Variants in PHC2 observed in about 807,000 individuals in gnomAD.
PHC2 encodes the protein polyhomeotic-like protein 2.
A neutral mutation model predicts 87.4 loss-of-function variants in PHC2; 29 were observed. The observed-to-expected ratio is 0.33, with a 90% CI of 0.25 to 0.45. The LOEUF is 0.45. PHC2 is among the 20% of genes least tolerant of loss of function. The pLI, the probability that PHC2 is intolerant of heterozygous loss-of-function variation, is 1.00. For missense variants in PHC2, 857 were observed against 1,136.7 expected, an observed-to-expected ratio of 0.75 and a Z score of 3.54; for synonymous variants, 438 against 461.7, an observed-to-expected ratio of 0.95 and a Z score of 0.66.
chr1:33,331,127 C>T lies in PHC2; in HGVS notation c.2006+221G>A, dbSNP rs191134856. ...GAGGGCCAGCCGAGCCAAAGCACTG[C>T]GGCTTTTCCTTGGACTCCCGCTGCT... is the stretch of plus-strand genomic sequence containing the variant. On this transcript the variant is annotated intron_variant, in intron 12 of 14. Transcript: ENST00000683057. This position sits in a 1 kb window ranked among gnomAD's most constrained non-coding sequence, Gnocchi z 5.2. Among the ~76,000 whole-genome samples the T allele has an allele frequency of 2.6e-5, 4 of 152,330 alleles. No individual in the cohort carries two copies. Among genetic ancestry groups the T allele is most frequent in the South Asian group, 2.1e-4 (1 of 4,826 alleles).
intron 1 of PHC2, 49 bp from the exon 2 acceptor site, chr1:33,375,642 G>C (rs1408189617): frequency 1.6e-6 from 2 of 1,214,870 alleles, no homozygotes; most frequent in Admixed American, 2.8e-5. Context: ...GCTTACTAGA[G>C]AATGTTCACA....
chr1:33,349,845 T>TGCGCGC lies in PHC2; in HGVS notation c.1558+4550_1558+4555dup, dbSNP rs570581954. 15 of 964,536 alleles carry TGCGCGC rather than the reference T, an allele frequency of 1.6e-5. No homozygotes were observed. Among genetic ancestry groups the TGCGCGC allele is most frequent in the South Asian group, 4.7e-5 (1 of 21,408 alleles). 59.7% of individuals were successfully genotyped at this position (964,536 alleles called of 1,614,324 possible). A position where few individuals can be genotyped will look rare whatever the true frequency, so the allele number is the denominator to read the frequency against. On this transcript the variant is annotated intron_variant, in intron 9 of 14. Transcript: ENST00000683057. This position sits in a 1 kb window ranked among gnomAD's most constrained non-coding sequence, Gnocchi z 4.2. ...CGGGAGCGCGGGCGGCGGCCGGGGT[T>TGCGCGC]GCGCGCGCGCGCGCGGCGGGCGCTC...
chr1:33,414,181 A>T (rs57201966), intron 1 of PHC2, among the ~76,000 whole-genome samples: 9,478 of 139,602 alleles, frequency 0.068, 495 homozygotes, highest in East Asian at 0.19. Context: ...TCTCTGTCAC[A>T]CACACACACA....
intron 9 of PHC2, among the ~76,000 whole-genome samples, chr1:33,353,853 C>T (rs1390595565): frequency 6.6e-6 from 1 of 152,152 alleles, no homozygotes; most frequent in Non-Finnish European, 1.5e-5. Context: ...TCTCCTGAAC[C>T]CCAGGCAGGG....
At chr1:33,340,503 C>T (rs1646723276) in intron 9 of PHC2, among the ~76,000 whole-genome samples, 1 of 152,166 alleles carries the variant, frequency 6.6e-6, no homozygotes, top group African/African-American at 2.4e-5. Context: ...CATACCTGGT[C>T]CAAGCAACAG....
chr1:33,410,792 T>TA (rs1200032107), intron 1 of PHC2, among the ~76,000 whole-genome samples: 1 of 152,224 alleles, frequency 6.6e-6, no homozygotes, highest in African/African-American at 2.4e-5. Flanking sequence ...GCATTGATTT[T>TA]AAAATACCTT....
intron 14 of PHC2, chr1:33,326,210 T>C (rs900087893): frequency 5.4e-6 from 1 of 186,748 alleles, no homozygotes; most frequent in African/African-American, 2.4e-5. Flanking sequence ...CTGTTCAACA[T>C]AAAGGAACCG....
At chr1:33,354,253 C>T in intron 9 of PHC2, 148 bp downstream of exon 9, 1 of 688,236 alleles carries the variant, frequency 1.5e-6, no homozygotes, top group Non-Finnish European at 2.4e-6. Context: ...GGTTCATCTT[C>T]TCACATCCCT....
chr1:33,420,891 G>A (rs1045843451), intron 1 of PHC2, among the ~76,000 whole-genome samples: 1 of 152,180 alleles, frequency 6.6e-6, no homozygotes, highest in Non-Finnish European at 1.5e-5. Context: ...GTTTACAGGT[G>A]TAAGCCACTG....
Position 33,343,818 on chromosome 1 carries a change from C to T in PHC2, c.1559-9526G>A, listed in dbSNP as rs540076635. On this transcript the variant is annotated intron_variant, in intron 9 of 14. Coordinates refer to ENST00000683057, the MANE Select transcript of PHC2 (RefSeq NM_001385109.1). Reference sequence around the variant, plus strand: ...GTTCCTCAGACGTCTTGGTCTACGTCGGTAGTCCTGTCCTTGCACTGTTGA... The same window carrying T: ...GTTCCTCAGACGTCTTGGTCTACGTTGGTAGTCCTGTCCTTGCACTGTTGA... Among the ~76,000 whole-genome samples, 17 of 152,308 alleles carry T rather than the reference C, an allele frequency of 1.1e-4. No individual in the cohort carries two copies. The East Asian group carries it at 2.7e-3, about 24-fold the overall frequency.
intron 1 of PHC2, among the ~76,000 whole-genome samples, chr1:33,387,062 C>T (rs986547901): frequency 3.3e-5 from 5 of 152,210 alleles, no homozygotes; most frequent in African/African-American, 1.2e-4. Context: ...ATCAGGCTTT[C>T]AGAATAAAGT....
intron 9 of PHC2, among the ~76,000 whole-genome samples, chr1:33,348,447 G>C (rs1218954629): frequency 1.3e-5 from 2 of 152,228 alleles, no homozygotes; most frequent in South Asian, 2.1e-4. Context: ...GGATTACCCA[G>C]TTATGCTCCA....
chr1:33,405,082 A>AAT (rs1325520914), intron 1 of PHC2, among the ~76,000 whole-genome samples: 1 of 152,176 alleles, frequency 6.6e-6, no homozygotes, highest in African/African-American at 2.4e-5. Flanking sequence ...TATTCTTTAT[A>AAT]ATACCTCTAG....
Position 33,370,526 on chromosome 1 carries a change from G to A in PHC2, c.471C>T (p.Asn157=), listed in dbSNP as rs1382819121. Reference sequence around the variant, plus strand: ...GAGCGATGCCTGAGGCTGCTGCAGAGTTCACACTCTGGGCCCGGTTGAGGA... The same window carrying A: ...GAGCGATGCCTGAGGCTGCTGCAGAATTCACACTCTGGGCCCGGTTGAGGA... ...AQLLNRAQSV[N]SAAASGIAQQ... The change falls in exon 5 of 15, where the codon AAC becomes AAT. Residue 157 remains asparagine, a synonymous_variant. Coordinates refer to ENST00000683057, the MANE Select transcript of PHC2 (RefSeq NM_001385109.1). 3 of 1,614,144 alleles carry A rather than the reference G, an allele frequency of 1.9e-6. No individual in the cohort carries two copies. The South Asian group carries it at 3.3e-5, about 18-fold the overall frequency.
At chr1:33,328,773 A>AT in intron 14 of PHC2, 97 bp downstream of exon 14, 1 of 1,246,860 alleles carries the variant, frequency 8.0e-7, no homozygotes, top group East Asian at 2.3e-5. Flanking sequence ...AACCTGAGTC[A>AT]TTAACTAAAC....
chr1:33,407,392 C>T (rs1169724300), intron 1 of PHC2, among the ~76,000 whole-genome samples: 7 of 152,160 alleles, frequency 4.6e-5, no homozygotes, highest in Admixed American at 1.3e-4. Flanking sequence ...TGGCTCCATT[C>T]TCTAGAAATG....
chr1:33,347,874 C>T (rs1048654207), intron 9 of PHC2: 7 of 231,826 alleles, frequency 3.0e-5, no homozygotes, highest in Non-Finnish European at 5.0e-5. Flanking sequence ...CCAGAGGCCC[C>T]AGTTCCCGCC....
chr1:33,361,103 A>T (rs1647185244), intron 7 of PHC2, among the ~76,000 whole-genome samples: 1 of 152,218 alleles, frequency 6.6e-6, no homozygotes, highest in African/African-American at 2.4e-5. Flanking sequence ...AGGCCAAGAA[A>T]GTCACAAAGG....
At chr1:33,389,462 C>T (rs2148358922) in intron 1 of PHC2, among the ~76,000 whole-genome samples, 1 of 152,266 alleles carries the variant, frequency 6.6e-6, no homozygotes, top group Admixed American at 6.5e-5. Context: ...GGACCGTTCC[C>T]TTTTGAAGGC....
Sources: gnomAD v4.1 joint callset for allele counts (sites outside exome capture counted in the v4.1 genomes callset) on GRCh38, gnomAD v4.1.1 for gene constraint, Gnocchi (gnomAD v3.1) non-coding constraint, MANE v1.5 for transcripts, NCBI Gene and HGNC (gene_info 2026-07-23, HGNC 2026-07-21) for gene names.